SLC24A2: variants seen among roughly 807,000 people sequenced by gnomAD.
SLC24A2 encodes sodium/potassium/calcium exchanger 2.
Under a neutral mutation model 62.0 loss-of-function variants are expected in SLC24A2, and 36 were observed. The ratio of observed to expected loss-of-function variants is 0.58; its 90% confidence interval spans 0.44 to 0.77. SLC24A2 has a LOEUF of 0.77. Among genes scored for constraint, SLC24A2 ranks in the 30% least tolerant of loss-of-function variants. The pLI, the probability that SLC24A2 is intolerant of heterozygous loss-of-function variation, is 0.00. For synonymous variants in SLC24A2, 358 were observed against 294.0 expected, an observed-to-expected ratio of 1.22 and a Z score of -2.23; for missense variants, 846 against 817.9, an observed-to-expected ratio of 1.03 and a Z score of -0.42.
At chr9:19,902,754 C>G in the SLC24A2 span, among the ~76,000 whole-genome samples, 1 of 152,066 alleles carries the variant, frequency 6.6e-6, no homozygotes, top group Non-Finnish European at 1.5e-5. Flanking sequence ...AGTGAGAAGG[C>G]AGGAATAAGA....
At chr9:20,090,615 C>A in the SLC24A2 span, among the ~76,000 whole-genome samples, 13 of 152,070 alleles carry the variant, frequency 8.5e-5, no homozygotes, top group Non-Finnish European at 1.6e-4. Flanking sequence ...CACCCCCAAC[C>A]CCCGCCGTGA....
chr9:19,935,254 G>A, the SLC24A2 span, among the ~76,000 whole-genome samples: 1 of 150,820 alleles, frequency 6.6e-6, no homozygotes, highest in African/African-American at 2.4e-5. Flanking sequence ...AAGACAGGGG[G>A]GTTCTAGCAT....
At chr9:20,051,657 C>CTCTCTTTTTTTTTTTTTTTTTTTT in the SLC24A2 span, among the ~76,000 whole-genome samples, 4 of 73,514 alleles carry the variant, frequency 5.4e-5, no homozygotes, top group African/African-American at 1.8e-4. Context: ...TTTTCTTTCT[C>CTCTCTTTTTTTTTTTTTTTTTTTT]TTTTTTTTTT....
intron 2 of SLC24A2, among the ~76,000 whole-genome samples, chr9:19,709,229 G>A (rs1820634719): frequency 6.6e-6 from 1 of 151,812 alleles, no homozygotes; most frequent in African/African-American, 2.4e-5. Flanking sequence ...CAGTTAGAAT[G>A]GCAATCATTA....
upstream of SLC24A2, among the ~76,000 whole-genome samples, chr9:19,791,444 T>C (rs1442631627): frequency 2.0e-5 from 3 of 152,156 alleles, no homozygotes; most frequent in African/African-American, 4.8e-5. Flanking sequence ...AGGGCTCTCT[T>C]AGTAAGGGAG....
chr9:19,680,963 G>A (rs62564200), intron 2 of SLC24A2, among the ~76,000 whole-genome samples: 10,975 of 151,602 alleles, frequency 0.072, 510 homozygotes, highest in Middle Eastern at 0.17. Flanking sequence ...ATAGCCTCTG[G>A]CTTATTGGTC....
the SLC24A2 span, among the ~76,000 whole-genome samples, chr9:20,018,670 T>C: frequency 2.0e-5 from 3 of 152,184 alleles, no homozygotes; most frequent in African/African-American, 4.8e-5. Context: ...AATAGGGTTT[T>C]GAGAACCCAC....
the SLC24A2 span, among the ~76,000 whole-genome samples, chr9:20,034,415 G>GA: frequency 2.7e-5 from 4 of 150,178 alleles, no homozygotes; most frequent in African/African-American, 9.7e-5. Context: ...AGCTGCTGGG[G>GA]AAAATGTACT....
chr9:19,829,028 T>C, the SLC24A2 span, among the ~76,000 whole-genome samples: 1 of 152,136 alleles, frequency 6.6e-6, no homozygotes, highest in Non-Finnish European at 1.5e-5. Flanking sequence ...CTCTCATACT[T>C]TTACCCACCC....
chr9:20,186,232 C>A, the SLC24A2 span, among the ~76,000 whole-genome samples: 13 of 152,154 alleles, frequency 8.5e-5, no homozygotes, highest in Non-Finnish European at 1.5e-4. Context: ...TTCTGAGGCT[C>A]ATCTCTACCT....
At chr9:19,808,245 A>C in the SLC24A2 span, among the ~76,000 whole-genome samples, 2 of 152,206 alleles carry the variant, frequency 1.3e-5, no homozygotes, top group African/African-American at 2.4e-5. This position sits in a 1 kb window ranked among gnomAD's most constrained non-coding sequence, Gnocchi z 4.1. Flanking sequence ...ACACAGATGT[A>C]CTTGAATTAA....
chr9:20,211,755 G>A, the SLC24A2 span, among the ~76,000 whole-genome samples: 394 of 152,086 alleles, frequency 2.6e-3, 3 homozygotes, highest in African/African-American at 8.8e-3. Context: ...TGTTAACGAG[G>A]AAAGGGAACA....
At chr9:20,093,068 T>G in the SLC24A2 span, among the ~76,000 whole-genome samples, 18 of 151,986 alleles carry the variant, frequency 1.2e-4, no homozygotes, top group Non-Finnish European at 1.9e-4. Context: ...AGGGTTTTTT[T>G]GTTCTGTTTT....
the SLC24A2 span, among the ~76,000 whole-genome samples, chr9:20,122,106 T>G: frequency 6.6e-6 from 1 of 152,222 alleles, no homozygotes; most frequent in African/African-American, 2.4e-5. Flanking sequence ...CCTAATTTGC[T>G]GGGTTAAGTA....
At chr9:20,041,777 G>C in the SLC24A2 span, among the ~76,000 whole-genome samples, 2 of 152,276 alleles carry the variant, frequency 1.3e-5, no homozygotes, top group Non-Finnish European at 2.9e-5. Context: ...TAAGTAGCCA[G>C]TCGGGGGTCT....
At chr9:19,580,684 G>C (rs1053844354) in intron 5 of SLC24A2, among the ~76,000 whole-genome samples, 2 of 152,192 alleles carry the variant, frequency 1.3e-5, no homozygotes, top group African/African-American at 4.8e-5. Context: ...AGGTTAAATG[G>C]ATGTGATTGA....
the SLC24A2 span, among the ~76,000 whole-genome samples, chr9:20,118,097 A>T: frequency 2.6e-5 from 4 of 152,156 alleles, 1 homozygote. Context: ...ATAAAGAGTA[A>T]GTCAACCTTC....
chr9:20,022,046 A>G, the SLC24A2 span, among the ~76,000 whole-genome samples: 1 of 152,144 alleles, frequency 6.6e-6, no homozygotes, highest in Non-Finnish European at 1.5e-5. Context: ...CTCTATGTCT[A>G]CTGCCTAAAC....
At chr9:20,159,065 A>G in the SLC24A2 span, among the ~76,000 whole-genome samples, 2 of 151,674 alleles carry the variant, frequency 1.3e-5, no homozygotes, top group Non-Finnish European at 3.0e-5. Flanking sequence ...AAAACAAAAT[A>G]TGGCCACTGA....
Sources: gnomAD v4.1 joint callset for allele counts (sites outside exome capture counted in the v4.1 genomes callset) on GRCh38, gnomAD v4.1.1 for gene constraint, Gnocchi (gnomAD v3.1) non-coding constraint, MANE v1.5 for transcripts, NCBI Gene and HGNC (gene_info 2026-07-23, HGNC 2026-07-21) for gene names.